The following SPAG9 variants were observed in gnomAD, a reference collection of about 807,000 sequenced individuals.
SPAG9 encodes sperm associated antigen 9.
In SPAG9, 35 loss-of-function variants were observed where a neutral mutation model predicts 166.5. The observed-to-expected ratio is 0.21, with a 90% CI of 0.16 to 0.28. The LOEUF (loss-of-function observed/expected upper bound fraction) is 0.28. Among genes scored for constraint, SPAG9 ranks in the 10% least tolerant of loss-of-function variants. The pLI is 1.00. For synonymous variants in SPAG9, 534 were observed against 565.5 expected (o/e 0.94, Z 0.79); for missense variants, 1,235 against 1,603.3 (o/e 0.77, Z 3.92).
intron 1 of SPAG9, among the ~76,000 whole-genome samples, chr17:51,101,345 CAAAAAAAAAAAA>C (rs60896400): frequency 4.3e-5 from 4 of 92,002 alleles, no homozygotes; most frequent in Non-Finnish European, 6.2e-5. Flanking sequence ...GATTCTGTCT[CAAAAAAAAAAAA>C]AAAAAAAAAA....
intron 6 of SPAG9, among the ~76,000 whole-genome samples, chr17:51,025,318 A>C (rs2046118115): frequency 2.2e-5 from 1 of 45,242 alleles, no homozygotes; most frequent in African/African-American, 1.4e-4. Flanking sequence ...CTCTGTCTCA[A>C]AAAAAAAAAA....
chr17:51,111,521 T>C (rs2049110968), intron 1 of SPAG9, among the ~76,000 whole-genome samples: 1 of 152,184 alleles, frequency 6.6e-6, no homozygotes, highest in African/African-American at 2.4e-5. Context: ...AGCAATCCAG[T>C]GAATAGTCAA....
Position 50,966,321 on chromosome 17 carries a change from G to A in SPAG9, c.3917C>T (p.Ala1306Val). Residue 1306 changes from alanine to valine, a missense_variant, in exon 30 of 30, where the codon GCA becomes GTA. Ala to Val is a moderately conservative substitution (Grantham distance 64, BLOSUM62 0). Around this residue, in one of 6 missense-constraint regions of SPAG9, gnomAD observed 243 missense variants for 358.6 expected, o/e 0.68. Transcript: ENST00000262013. ...DLPLEPSVTK[A>V]ERSHLIVWQV... ...CCACACTATCAAGTGACTCCTTTCT[G>A]CTTTGGTGACAGAAGGTTCAAGTGG... is the stretch of plus-strand genomic sequence containing the variant. The A allele has an allele frequency of 6.2e-7, 1 of 1,613,996 alleles. No individual in the cohort carries two copies. Among genetic ancestry groups the A allele is most frequent in the Non-Finnish European group, 8.5e-7 (1 of 1,179,916 alleles).
intron 8 of SPAG9, among the ~76,000 whole-genome samples, chr17:51,018,759 C>T (rs567998456): frequency 1.3e-5 from 2 of 152,208 alleles, no homozygotes; most frequent in African/African-American, 2.4e-5. Flanking sequence ...CTGGAGTACC[C>T]GGCTGCTGGC....
intron 9 of SPAG9, among the ~76,000 whole-genome samples, chr17:51,012,538 C>G (rs979653147): frequency 2.0e-5 from 3 of 151,344 alleles, no homozygotes; most frequent in Non-Finnish European, 4.4e-5. Flanking sequence ...CCACGGCACT[C>G]CAGCCTGGGC....
Position 51,037,691 on chromosome 17 carries a change from T to TATATA in SPAG9, c.741+3809_741+3810insTATAT, listed in dbSNP as rs1179792305. Among the ~76,000 whole-genome samples the TATATA allele has an allele frequency of 8.2e-4, 74 of 90,648 alleles. 2 individuals are homozygous for TATATA. Among genetic ancestry groups the TATATA allele is most frequent in the African/African-American group, 1.8e-3 (45 of 25,458 alleles). The allele number at this position is 90,648 out of a possible 152,430, so 59.5% of individuals were successfully genotyped here. ...TATATATATATATATATATAGTGTG[T>TATATA]GTGTGTGTGTGTGTGTGTGTGTGTG... On this transcript the variant is annotated intron_variant, in intron 5 of 29. Transcript: ENST00000262013.
At chr17:51,013,901 T>TAC (rs61242113) in intron 9 of SPAG9, among the ~76,000 whole-genome samples, 2,770 of 151,160 alleles carry the variant, frequency 0.018, 68 homozygotes, top group African/African-American at 0.064. Flanking sequence ...CACATACACA[T>TAC]ACACACACAC....
intron 1 of SPAG9, among the ~76,000 whole-genome samples, chr17:51,091,640 C>T (rs1012222618): frequency 3.3e-5 from 5 of 151,820 alleles, no homozygotes; most frequent in Non-Finnish European, 5.9e-5. Context: ...TTTTCTCACA[C>T]ACATACCCAC....
chr17:50,975,879 A>G, intron 27 of SPAG9: 2 of 1,535,828 alleles, frequency 1.3e-6, no homozygotes, highest in South Asian at 2.4e-5. Context: ...GCCCCAGTAA[A>G]CGTCCCTGGT....
intron 3 of SPAG9, among the ~76,000 whole-genome samples, chr17:51,048,676 G>A (rs529629764): frequency 6.6e-6 from 1 of 151,982 alleles, no homozygotes; most frequent in African/African-American, 2.4e-5. Flanking sequence ...ATTTTATTTG[G>A]CATGTACAAA....
intron 6 of SPAG9, among the ~76,000 whole-genome samples, chr17:51,030,402 A>G (rs2046339221): frequency 6.6e-6 from 1 of 152,202 alleles, no homozygotes; most frequent in African/African-American, 2.4e-5. Context: ...AAATGAAAAT[A>G]AAGACAAAAC....
intron 3 of SPAG9, among the ~76,000 whole-genome samples, chr17:51,053,794 C>T (rs559036174): frequency 1.3e-4 from 17 of 130,524 alleles, no homozygotes; most frequent in Non-Finnish European, 2.2e-4. Flanking sequence ...GCTATGACTG[C>T]GCCACTGCAC....
rs1210513569 is a variant in SPAG9 at position 51,020,142 on chromosome 17, T to C, written c.1091+17A>G. 6.6e-7 allele frequency: 1 copy of C among 1,525,048 alleles called. No homozygotes were observed. Among genetic ancestry groups the C allele is most frequent in the Non-Finnish European group, 9.1e-7 (1 of 1,099,236 alleles). The allele number at this position is 1,525,048 out of a possible 1,614,324, so 94.5% of individuals were successfully genotyped here. ...GTGGGGGGCGCAGAATATGTCTTCA[T>C]CTAACATTTATGTTACCTTGAACCT... On this transcript the variant is annotated intron_variant, in intron 8 of 29. Coordinates refer to ENST00000262013, the MANE Select transcript of SPAG9 (RefSeq NM_001130528.3).
intron 8 of SPAG9, among the ~76,000 whole-genome samples, chr17:51,015,801 T>C (rs1156789667): frequency 1.3e-5 from 2 of 151,574 alleles, no homozygotes; most frequent in East Asian, 1.9e-4. Flanking sequence ...AAATAAATTA[T>C]GACAGTCACT....
At chr17:51,096,040 T>TATATATATATATAGTG (rs1568084179) in intron 1 of SPAG9, among the ~76,000 whole-genome samples, 3,799 of 133,378 alleles carry the variant, frequency 0.028, 410 homozygotes, top group African/African-American at 0.11. Flanking sequence ...TATATAGTGA[T>TATATATATATATAGTG]ATATATATAT....
rs781622735 is a variant in SPAG9, at chr17:50,977,093, TA to T, written c.3523+14del. 6.7e-7 allele frequency: 1 copy of T among 1,498,464 alleles called. No individual in the cohort carries two copies. The allele number at this position is 1,498,464 out of a possible 1,614,324, so 92.8% of individuals were successfully genotyped here. On this transcript the variant is annotated intron_variant, in intron 27 of 29. Coordinates refer to ENST00000262013, the MANE Select transcript of SPAG9 (RefSeq NM_001130528.3). ...TCCTATTTGTTCCATGGCAGTTATC[TA>T]AAAATATACTTACTTTCTGTCAATG...
chr17:51,120,307 G>GCCC lies in SPAG9; in HGVS notation c.303+44_303+46dup. 16 of 1,357,300 alleles carry GCCC rather than the reference G, an allele frequency of 1.2e-5. No individual in the cohort carries two copies. The highest frequency in any genetic ancestry group is 3.0e-5 in the African/African-American group (2 of 66,608). 84.1% of individuals were successfully genotyped at this position (1,357,300 alleles called of 1,614,324 possible). On this transcript the variant is annotated intron_variant, in intron 1 of 29. Coordinates refer to ENST00000262013, the MANE Select transcript of SPAG9 (RefSeq NM_001130528.3). This position sits in a 1 kb window ranked among gnomAD's most constrained non-coding sequence, Gnocchi z 4.7. ...ACCGGGCCGCGACCCCGCCCCGGCC[G>GCCC]CCCCCGGAGACGGATCCCGCGGCCC...
intron 5 of SPAG9, among the ~76,000 whole-genome samples, chr17:51,036,619 T>A (rs1241078621): frequency 6.6e-6 from 1 of 152,074 alleles, no homozygotes; most frequent in African/African-American, 2.4e-5. Context: ...CTGGGACCTC[T>A]CCTTGGGGAG....
At chr17:50,990,807 C>T (rs1975479978) in intron 19 of SPAG9, 139 bp from the exon 20 acceptor site, 1 of 628,488 alleles carries the variant, frequency 1.6e-6, no homozygotes. Flanking sequence ...ATTAAATTTA[C>T]ATAAACAAAT....
Sources: allele counts gnomAD v4.1 joint callset (sites outside exome capture counted in the v4.1 genomes callset), GRCh38; gene constraint gnomAD v4.1.1; regional missense constraint gnomAD v4.1.1; non-coding constraint Gnocchi (gnomAD v3.1); transcripts MANE v1.5; gene names NCBI Gene and HGNC (gene_info 2026-07-23, HGNC 2026-07-21).